Variants in TRAF3IP1 observed in about 807,000 individuals in gnomAD.
The protein encoded by TRAF3IP1 is intraflagellar transport 54.
A neutral mutation model predicts 89.9 loss-of-function variants in TRAF3IP1; 53 were observed. The observed-to-expected ratio is 0.59, with a 90% CI of 0.47 to 0.74. The LOEUF is 0.74. Among genes scored for constraint, TRAF3IP1 ranks in the 30% least tolerant of loss-of-function variants. The pLI is 0.00. For synonymous variants in TRAF3IP1, 311 were observed against 322.1 expected, an observed-to-expected ratio of 0.97 and a Z score of 0.37; for missense variants, 806 against 866.1, an observed-to-expected ratio of 0.93 and a Z score of 0.87.
chr2:238,384,341 T>TATGG (rs911283346), intron 15 of TRAF3IP1, among the ~76,000 whole-genome samples: 1 of 114,784 alleles, frequency 8.7e-6, no homozygotes, highest in Non-Finnish European at 1.9e-5. Flanking sequence ...CAACCTGATG[T>TATGG]ATGTATGTAT....
At chr2:238,376,224 A>G (rs2106357787) in intron 15 of TRAF3IP1, among the ~76,000 whole-genome samples, 1 of 152,332 alleles carries the variant, frequency 6.6e-6, no homozygotes, top group Middle Eastern at 3.4e-3. Context: ...TGAATTTTGT[A>G]TAACTTTCAT....
At chr2:238,366,125 G>C (rs903000430) in intron 15 of TRAF3IP1, among the ~76,000 whole-genome samples, 1 of 152,154 alleles carries the variant, frequency 6.6e-6, no homozygotes, top group African/African-American at 2.4e-5. Flanking sequence ...CCAGCTACTC[G>C]GGAGGCTGAG....
intron 12 of TRAF3IP1, among the ~76,000 whole-genome samples, chr2:238,350,254 T>G (rs1052135339): frequency 2.0e-5 from 3 of 150,996 alleles, no homozygotes; most frequent in African/African-American, 7.3e-5. Context: ...TCAAGGGGAG[T>G]TATTATTTTT....
In TRAF3IP1 at chr2:238,329,126, CAG is replaced by C. The variant is rs1697992162; in HGVS notation, c.702_703del (p.Gly235GlnfsTer19). Reference sequence around the variant, plus strand: ...GGCCAGACAACGAGCGACAGAAAGACAGAGGCAACAGGGAGCGGGACAGAGAC... The same window carrying C: ...GGCCAGACAACGAGCGACAGAAAGACAGGCAACAGGGAGCGGGACAGAGAC... Reference protein sequence around the residue: ...ARPDNERQKDRGNRERDRDSE... With the variant: ...ARPDNERQKDXGNRERDRDSE... On this transcript the variant is annotated frameshift_variant, in exon 5 of 17. Coordinates refer to ENST00000373327, the MANE Select transcript of TRAF3IP1 (RefSeq NM_015650.4). LOFTEE classifies it high-confidence loss of function. 1 of 1,550,744 alleles carries C rather than the reference CAG, an allele frequency of 6.4e-7. No individual in the cohort carries two copies. Among genetic ancestry groups the C allele is most frequent in the Non-Finnish European group, 8.7e-7 (1 of 1,147,258 alleles).
At chr2:238,370,019 C>T (rs780469849) in intron 15 of TRAF3IP1, among the ~76,000 whole-genome samples, 1 of 152,158 alleles carries the variant, frequency 6.6e-6, no homozygotes, top group Non-Finnish European at 1.5e-5. Flanking sequence ...CCTGTTCTTT[C>T]CCTGCTCCAG....
chr2:238,352,155 G>C (rs113380386), intron 12 of TRAF3IP1, among the ~76,000 whole-genome samples: 1 of 152,074 alleles, frequency 6.6e-6, no homozygotes, highest in Non-Finnish European at 1.5e-5. Context: ...GCCCTGGAGA[G>C]CATGAGAGAG....
chr2:238,329,976 T>C (rs1239660136), intron 5 of TRAF3IP1, among the ~76,000 whole-genome samples: 1 of 152,164 alleles, frequency 6.6e-6, no homozygotes, highest in Non-Finnish European at 1.5e-5. Context: ...GAAATCAACG[T>C]TTTTCAGAGT....
chr2:238,335,482 C>A (rs765931811), intron 7 of TRAF3IP1, among the ~76,000 whole-genome samples: 3 of 151,796 alleles, frequency 2.0e-5, no homozygotes, highest in African/African-American at 7.3e-5. Context: ...TATTAGTTTT[C>A]TATCATTGTT....
intron 1 of TRAF3IP1, among the ~76,000 whole-genome samples, chr2:238,322,341 G>C (rs575926561): frequency 1.3e-5 from 2 of 152,358 alleles, no homozygotes; most frequent in East Asian, 3.9e-4. Flanking sequence ...TCAGCTCACG[G>C]TGGCTGTCCA....
At chr2:238,392,912 G>A (rs187483119) in intron 15 of TRAF3IP1, among the ~76,000 whole-genome samples, 14 of 152,346 alleles carry the variant, frequency 9.2e-5, no homozygotes, top group African/African-American at 3.4e-4. Flanking sequence ...GTTTTCCCTG[G>A]TGTGGATGCA....
intron 2 of TRAF3IP1, 93 bp downstream of exon 2, chr2:238,325,467 C>T (rs1316533429): frequency 1.5e-6 from 2 of 1,297,882 alleles, no homozygotes; most frequent in East Asian, 2.3e-5. Flanking sequence ...CATTTCTCTG[C>T]TGCATGTGGT....
rs997215278 is a variant in TRAF3IP1 at position 238,357,613 on chromosome 2, T to C, written c.1689+1533T>C. On this transcript the variant is annotated intron_variant, in intron 15 of 16. Transcript: ENST00000373327. ...GCGGAGGCTTTGCTGACAGCACCACTGTTTGCCTTGCTGAAAGGAGAAATG... is the reference window on the plus strand; with the variant it reads ...GCGGAGGCTTTGCTGACAGCACCACCGTTTGCCTTGCTGAAAGGAGAAATG... Among the ~76,000 whole-genome samples the C allele has an allele frequency of 2.8e-4, 43 of 152,124 alleles. 1 individual carries two copies. The highest frequency in any genetic ancestry group is 2.7e-3 in the Admixed American group (42 of 15,278).
At chr2:238,359,597 A>G (rs1231222073) in intron 15 of TRAF3IP1, among the ~76,000 whole-genome samples, 2 of 152,192 alleles carry the variant, frequency 1.3e-5, no homozygotes, top group Non-Finnish European at 2.9e-5. Flanking sequence ...TTGTATGGAT[A>G]TACCACAGTG....
At chr2:238,346,790 T>C (rs1034121234) in intron 9 of TRAF3IP1, among the ~76,000 whole-genome samples, 2 of 152,242 alleles carry the variant, frequency 1.3e-5, no homozygotes, top group Admixed American at 1.3e-4. Context: ...CTTCTGCAAA[T>C]GCGTTCGTGC....
chr2:238,369,621 T>C (rs1009430600), intron 15 of TRAF3IP1, among the ~76,000 whole-genome samples: 9 of 152,342 alleles, frequency 5.9e-5, no homozygotes, highest in African/African-American at 2.2e-4. Context: ...GAAACGAGGC[T>C]GTGCTGCCTT....
At chr2:238,363,469 A>G (rs774863797) in intron 15 of TRAF3IP1, among the ~76,000 whole-genome samples, 2 of 152,186 alleles carry the variant, frequency 1.3e-5, no homozygotes, top group Admixed American at 6.5e-5. Flanking sequence ...TTTTACACAT[A>G]AAGATTTTTA....
At chr2:238,331,489 C>A (rs572694516) in intron 5 of TRAF3IP1, among the ~76,000 whole-genome samples, 2 of 152,192 alleles carry the variant, frequency 1.3e-5, no homozygotes, top group Non-Finnish European at 2.9e-5. Flanking sequence ...ACAACAACAA[C>A]AACAAAAAGA....
chr2:238,320,684 C>G lies in TRAF3IP1; in HGVS notation c.22C>G (p.Arg8Gly), dbSNP rs1697477035. MNAAVVR[R>G]TQEALGKVIR... ...CGTCATGAACGCGGCGGTGGTGAGG[C>G]GGACGCAGGAGGCGCTGGGGAAAGT... is the stretch of plus-strand genomic sequence containing the variant. Residue 8 changes from arginine to glycine, a missense_variant, in exon 1 of 17, where the codon CGG (arginine) becomes GGG (glycine). Physicochemically the swap from Arg to Gly is moderately radical, Grantham distance 125. Transcript: ENST00000373327. 2.1e-6 allele frequency: 3 copies of G among 1,413,854 alleles called. No homozygotes were observed. Among genetic ancestry groups the G allele is most frequent in the Admixed American group, 2.5e-5 (1 of 40,146 alleles). The allele number at this position is 1,413,854 out of a possible 1,614,324, so 87.6% of individuals were successfully genotyped here.
At chr2:238,355,563 A>G (rs1699370517) in intron 14 of TRAF3IP1, among the ~76,000 whole-genome samples, 1 of 152,262 alleles carries the variant, frequency 6.6e-6, no homozygotes, top group Non-Finnish European at 1.5e-5. Context: ...GTGAAACACT[A>G]TTCCAAAAAA....
Sources: gnomAD v4.1 joint callset for allele counts (sites outside exome capture counted in the v4.1 genomes callset) on GRCh38, gnomAD v4.1.1 for gene constraint, MANE v1.5 for transcripts, NCBI Gene and HGNC (gene_info 2026-07-23, HGNC 2026-07-21) for gene names.